Variants in DCLK1 observed in about 807,000 individuals in gnomAD.
DCLK1 encodes doublecortin like kinase 1.
DCLK1 carries 16 observed loss-of-function variants against 86.2 expected under a neutral mutation model. That is an observed-to-expected ratio of 0.19 (90% CI 0.13 to 0.28). The LOEUF is 0.28. Ranked by LOEUF, DCLK1 falls within the 10% of genes least tolerant of loss-of-function variation. The pLI is 1.00. For missense variants in DCLK1, 590 were observed against 940.2 expected, an observed-to-expected ratio of 0.63 and a Z score of 4.87; for synonymous variants, 369 against 370.5, an observed-to-expected ratio of 1.00 and a Z score of 0.05.
At chr13:35,873,472 C>T (rs1406405285) in intron 4 of DCLK1, among the ~76,000 whole-genome samples, 2 of 151,762 alleles carry the variant, frequency 1.3e-5, no homozygotes, top group Admixed American at 6.6e-5. Flanking sequence ...GCAACCTCCA[C>T]CTCCCGAGTT....
chr13:36,084,848 A>G (rs993977904), intron 3 of DCLK1, among the ~76,000 whole-genome samples: 19 of 152,360 alleles, frequency 1.2e-4, no homozygotes, highest in Admixed American at 9.8e-4. Context: ...ATAGACTTAT[A>G]TAAGTACTTT....
rs375433953 is a variant in DCLK1, at chr13:35,827,585, G to A, written c.1407+50C>T. ...TAAGGGAAAGAGCTCTAGAATATAG[G>A]CAAGTGCGGTGCCATCAATAAAGAC... On this transcript the variant is annotated intron_variant, in intron 10 of 16. Transcript: ENST00000360631. The A allele has an allele frequency of 2.7e-5, 43 of 1,606,400 alleles. No homozygotes were observed. In the African/African-American group the frequency reaches 5.3e-4, roughly 20 times the overall value.
At chr13:35,938,860 T>C (rs1443991695) in intron 4 of DCLK1, among the ~76,000 whole-genome samples, 1 of 152,102 alleles carries the variant, frequency 6.6e-6, no homozygotes, top group Non-Finnish European at 1.5e-5. Context: ...ATGTCACTGT[T>C]ACTGAATACA....
At chr13:35,855,804 C>T in intron 5 of DCLK1, 1 of 1,254,312 alleles carries the variant, frequency 8.0e-7, no homozygotes, top group Non-Finnish European at 1.0e-6. Flanking sequence ...CATCCCGACA[C>T]CACTCCCTTC....
intron 5 of DCLK1, among the ~76,000 whole-genome samples, chr13:35,863,646 C>G (rs1295217186): frequency 6.6e-6 from 1 of 152,164 alleles, no homozygotes; most frequent in Non-Finnish European, 1.5e-5. Context: ...CAACAATTTC[C>G]TTGGAGCTCC....
At position 36,045,348 on chromosome 13, in the gene DCLK1, A is replaced by G. The variant is rs1348595319; in HGVS notation, c.723+66521T>C. Among the ~76,000 whole-genome samples, 364 of 108,452 alleles carry G rather than the reference A, an allele frequency of 3.4e-3. 4 individuals carry two copies. The highest frequency in any genetic ancestry group is 0.015 in the African/African-American group (350 of 23,684). The allele number at this position is 108,452 out of a possible 152,430, so 71.1% of individuals were successfully genotyped here. The stretch of plus-strand genomic sequence containing the variant: ...TGTGTGTGTGTATATATATATATAT[A>G]TATATATATATATATATATATATAT... On this transcript the variant is annotated intron_variant, in intron 3 of 16. Transcript: ENST00000360631.
intron 11 of DCLK1, among the ~76,000 whole-genome samples, chr13:35,818,940 C>T (rs761650298): frequency 6.6e-6 from 1 of 152,066 alleles, no homozygotes; most frequent in Non-Finnish European, 1.5e-5. Context: ...TACTTTCTCC[C>T]ACTGCTCAGT....
At chr13:36,011,916 T>C (rs1881289448) in intron 3 of DCLK1, among the ~76,000 whole-genome samples, 1 of 150,538 alleles carries the variant, frequency 6.6e-6, no homozygotes, top group Non-Finnish European at 1.5e-5. Flanking sequence ...TGCTCCTGTA[T>C]TGGGTGCATA....
At chr13:35,947,296 T>C (rs1936004) in intron 4 of DCLK1, 62 bp downstream of exon 4, 104 of 1,329,758 alleles carry the variant, frequency 7.8e-5, no homozygotes, top group Non-Finnish European at 1.0e-4. Flanking sequence ...CTTGGCCTGG[T>C]GCAGCTCATT....
chr13:35,845,365 C>G (rs1870102602), intron 6 of DCLK1, among the ~76,000 whole-genome samples: 1 of 152,102 alleles, frequency 6.6e-6, no homozygotes, highest in South Asian at 2.1e-4. Context: ...GAGTTAGAGT[C>G]AAGTATTTTA....
intron 10 of DCLK1, among the ~76,000 whole-genome samples, chr13:35,826,893 A>G (rs1285935083): frequency 1.3e-5 from 2 of 152,154 alleles, no homozygotes; most frequent in East Asian, 1.9e-4. Flanking sequence ...TAAGGTAGAC[A>G]TTACTTACAC....
intron 4 of DCLK1, among the ~76,000 whole-genome samples, chr13:35,875,259 A>G (rs1053566565): frequency 1.3e-5 from 2 of 152,258 alleles, no homozygotes; most frequent in African/African-American, 2.4e-5. Flanking sequence ...CAGAGGTCAC[A>G]TAAATTTAAA....
chr13:36,085,269 T>C (rs774256466), intron 3 of DCLK1, among the ~76,000 whole-genome samples: 1 of 152,202 alleles, frequency 6.6e-6, no homozygotes, highest in Non-Finnish European at 1.5e-5. Context: ...ATTCAAATAA[T>C]ATAAAGCAAA....
intron 3 of DCLK1, among the ~76,000 whole-genome samples, chr13:36,100,880 C>T (rs143545194): frequency 1.5e-3 from 229 of 152,258 alleles, no homozygotes; most frequent in African/African-American, 5.0e-3. Flanking sequence ...GTCTGCAGTA[C>T]GTAAGACTGT....
chr13:36,092,907 C>G (rs1157272001), intron 3 of DCLK1, among the ~76,000 whole-genome samples: 1 of 152,090 alleles, frequency 6.6e-6, no homozygotes, highest in East Asian at 1.9e-4. Flanking sequence ...TAGGCAAGAG[C>G]CCAGGCTGCA....
chr13:36,053,291 A>C (rs2153157582), intron 3 of DCLK1, among the ~76,000 whole-genome samples: 1 of 152,254 alleles, frequency 6.6e-6, no homozygotes, highest in African/African-American at 2.4e-5. Context: ...CAGTCTAGCG[A>C]GCGGGGCAGG....
At chr13:35,889,855 T>C (rs1873529116) in intron 4 of DCLK1, among the ~76,000 whole-genome samples, 2 of 152,216 alleles carry the variant, frequency 1.3e-5, no homozygotes, top group South Asian at 2.1e-4. Context: ...AGCCATGTAA[T>C]TAACAGTGAC....
chr13:36,012,326 T>C (rs1881310794), intron 3 of DCLK1, among the ~76,000 whole-genome samples: 1 of 151,890 alleles, frequency 6.6e-6, no homozygotes, highest in Non-Finnish European at 1.5e-5. Flanking sequence ...CTAGTCTCGA[T>C]GGTCTTTACA....
chr13:36,131,038 G>A (rs1352804658), intron 1 of DCLK1, 76 bp downstream of exon 1: 2 of 150,130 alleles, frequency 1.3e-5, no homozygotes, highest in African/African-American at 2.4e-5. Flanking sequence ...CCGCGGCTGC[G>A]GGCGGAGCGG....
Sources: gnomAD v4.1 joint callset for allele counts (sites outside exome capture counted in the v4.1 genomes callset) on GRCh38, gnomAD v4.1.1 for gene constraint, MANE v1.5 for transcripts, NCBI Gene and HGNC (gene_info 2026-07-23, HGNC 2026-07-21) for gene names.